The following MLXIP variants were observed in gnomAD, a reference collection of about 807,000 sequenced individuals.
MLXIP encodes the protein MLX interacting protein.
A neutral mutation model predicts 87.2 loss-of-function variants in MLXIP; 30 were observed. The observed-to-expected ratio is 0.34, with a 90% CI of 0.26 to 0.47. The LOEUF is 0.47. Ranked by LOEUF, MLXIP falls within the 20% of genes least tolerant of loss-of-function variation. MLXIP has a pLI of 1.00. For missense variants in MLXIP, 1,002 were observed against 1,240.1 expected, an observed-to-expected ratio of 0.81 and a Z score of 2.88; for synonymous variants, 530 against 514.0, an observed-to-expected ratio of 1.03 and a Z score of -0.42.
chr12:122,135,638 C>A lies in MLXIP; in HGVS notation c.2004C>A (p.Gly668=). Residue 668 remains glycine, a synonymous_variant, in exon 11 of 17, where the codon GGC becomes GGA. Transcript: ENST00000319080. This position sits in a 1 kb window ranked among gnomAD's most constrained non-coding sequence, Gnocchi z 5.3. The part of the protein sequence containing the change: ...GKGEQVPLHG[G]SPQVTVTGPS... The stretch of plus-strand genomic sequence containing the variant: ...GCGAGCAGGTCCCGCTGCATGGGGG[C>A]AGCCCCCAGGTCACTGTCACAGGGC... 2 of 1,540,150 alleles carry A rather than the reference C, an allele frequency of 1.3e-6. No individual in the cohort carries two copies. Among genetic ancestry groups the A allele is most frequent in the Non-Finnish European group, 1.7e-6 (2 of 1,144,532 alleles).
At chr12:122,104,966 G>A (rs2135932774) in intron 1 of MLXIP, among the ~76,000 whole-genome samples, 1 of 152,228 alleles carries the variant, frequency 6.6e-6, no homozygotes, top group Non-Finnish European at 1.5e-5. Flanking sequence ...CTTGAAGTCC[G>A]TCCCACAGTC....
chr12:122,105,105 G>A (rs945917634), intron 1 of MLXIP, among the ~76,000 whole-genome samples: 1 of 152,144 alleles, frequency 6.6e-6, no homozygotes, highest in Non-Finnish European at 1.5e-5. Context: ...CCTCATGGGC[G>A]ATCACATCAA....
intron 1 of MLXIP, among the ~76,000 whole-genome samples, chr12:122,109,000 T>C (rs1012304357): frequency 2.0e-5 from 3 of 152,242 alleles, no homozygotes; most frequent in Non-Finnish European, 4.4e-5. Context: ...TGGCACAATC[T>C]CAGCTCACTG....
chr12:122,137,417 G>A lies in MLXIP; in HGVS notation c.2033-52G>A. On this transcript the variant is annotated intron_variant, in intron 11 of 16. Coordinates refer to ENST00000319080, the MANE Select transcript of MLXIP (RefSeq NM_014938.6). This position sits in a 1 kb window ranked among gnomAD's most constrained non-coding sequence, Gnocchi z 4.1. ...TGCAGAGACCCCAGGCTGCCTCCTG[G>A]TGGCGTTGAGGGGCCAGGCCTCCGC... 1 of 1,578,880 alleles carries A rather than the reference G, an allele frequency of 6.3e-7. No homozygotes were observed. Among genetic ancestry groups the A allele is most frequent in the Non-Finnish European group, 8.6e-7 (1 of 1,162,674 alleles).
chr12:122,104,359 G>A (rs753112994), intron 1 of MLXIP, among the ~76,000 whole-genome samples: 17 of 152,044 alleles, frequency 1.1e-4, no homozygotes, highest in South Asian at 1.0e-3. Flanking sequence ...TAGTCTTTCC[G>A]TGTGTTTTGT....
intron 1 of MLXIP, among the ~76,000 whole-genome samples, chr12:122,097,850 C>CG (rs1476871265): frequency 1.3e-5 from 2 of 151,838 alleles, no homozygotes; most frequent in Non-Finnish European, 2.9e-5. Context: ...ATGGGTTCCC[C>CG]CTCCCCACAA....
chr12:122,115,497 A>C (rs1057353274), intron 1 of MLXIP, among the ~76,000 whole-genome samples: 1 of 150,538 alleles, frequency 6.6e-6, no homozygotes, highest in Non-Finnish European at 1.5e-5. Context: ...GCTGAGGAGG[A>C]GAACTGCTTG....
At chr12:122,124,141 C>T (rs1423861319) in intron 1 of MLXIP, among the ~76,000 whole-genome samples, 1 of 151,128 alleles carries the variant, frequency 6.6e-6, no homozygotes, top group East Asian at 2.0e-4. Flanking sequence ...AGGGGAACCT[C>T]CCCGCCTCAG....
chr12:122,121,009 G>GTTTTTTTTTTTTTTTTTT (rs776332981), intron 1 of MLXIP, among the ~76,000 whole-genome samples: 40 of 102,166 alleles, frequency 3.9e-4, no homozygotes, highest in African/African-American at 1.0e-3. Context: ...CTGCATGCTT[G>GTTTTTTTTTTTTTTTTTT]GTTTTTTTTT....
intron 15 of MLXIP, among the ~76,000 whole-genome samples, chr12:122,139,585 G>A (rs919687175): frequency 1.3e-5 from 2 of 152,226 alleles, no homozygotes; most frequent in Non-Finnish European, 2.9e-5. Context: ...GGTGACGGTC[G>A]TGCAGGAGGA....
chr12:122,105,668 A>G (rs1189604918), intron 1 of MLXIP, among the ~76,000 whole-genome samples: 1 of 151,768 alleles, frequency 6.6e-6, no homozygotes, highest in Non-Finnish European at 1.5e-5. Context: ...CAAAACACCC[A>G]TGGTACAAAA....
intron 1 of MLXIP, among the ~76,000 whole-genome samples, chr12:122,117,581 C>T (rs1222959293): frequency 1.3e-5 from 2 of 152,246 alleles, no homozygotes; most frequent in Admixed American, 1.3e-4. Flanking sequence ...ACAGAATTGA[C>T]TGATATATCT....
chr12:122,080,123 C>T lies in MLXIP; in HGVS notation c.413+857C>T, dbSNP rs377321107. 2.7e-4 allele frequency among the ~76,000 whole-genome samples: 41 copies of T among 152,266 alleles called. 1 individual carries two copies. The South Asian group carries it at 7.7e-3, about 28-fold the overall frequency. On this transcript the variant is annotated intron_variant, in intron 1 of 16. Transcript: ENST00000319080. ...CCTCAAAGATTAAAGCGCTTTTTCA[C>T]TCTCTCTCCCTTTCCCACTATGAAT...
intron 15 of MLXIP, among the ~76,000 whole-genome samples, chr12:122,139,331 G>A (rs561824443): frequency 5.3e-4 from 80 of 152,286 alleles, no homozygotes; most frequent in African/African-American, 1.9e-3. Flanking sequence ...TGTGACAGGC[G>A]GAAACCAGGA....
chr12:122,124,223 C>A (rs1460335168), intron 1 of MLXIP, among the ~76,000 whole-genome samples: 1 of 25,136 alleles, frequency 4.0e-5, no homozygotes, highest in Non-Finnish European at 7.3e-5. Context: ...CTCAGCCGTC[C>A]CCCCACCCTC....
intron 8 of MLXIP, 132 bp downstream of exon 8, chr12:122,132,515 C>T: frequency 1.4e-6 from 1 of 701,780 alleles, no homozygotes; most frequent in Non-Finnish European, 2.4e-6. Context: ...AGTGCTAGAC[C>T]AGCACTAATG....
rs1471952556 is a variant in MLXIP, at chr12:122,095,033, T to G, written c.413+15767T>G. ...GTGTGGTGTTGGTGTGTTGTGTGTG[T>G]GGGGTGTGTGGGAATGTGTGTGGTG... is the stretch of plus-strand genomic sequence containing the variant. On this transcript the variant is annotated intron_variant, in intron 1 of 16. Coordinates refer to ENST00000319080, the MANE Select transcript of MLXIP (RefSeq NM_014938.6). Among the ~76,000 whole-genome samples the G allele has an allele frequency of 9.1e-5, 13 of 143,480 alleles. No individual in the cohort carries two copies. The East Asian group carries it at 1.3e-3, about 14-fold the overall frequency. 94.1% of individuals were successfully genotyped at this position (143,480 alleles called of 152,430 possible). A position where few individuals can be genotyped will look rare whatever the true frequency, so the allele number is the denominator to read the frequency against.
chr12:122,097,126 G>C (rs904416778), intron 1 of MLXIP, among the ~76,000 whole-genome samples: 12 of 152,272 alleles, frequency 7.9e-5, no homozygotes, highest in African/African-American at 2.9e-4. Context: ...AAGAGTGCTC[G>C]GCAGAGGAGC....
At chr12:122,101,628 T>C (rs1952439898) in intron 1 of MLXIP, among the ~76,000 whole-genome samples, 1 of 146,198 alleles carries the variant, frequency 6.8e-6, no homozygotes, top group Admixed American at 6.9e-5. Flanking sequence ...TCGCCCAGGC[T>C]GGAGTGCAGT....
Sources: gnomAD v4.1 joint callset for allele counts (sites outside exome capture counted in the v4.1 genomes callset) on GRCh38, gnomAD v4.1.1 for gene constraint, Gnocchi (gnomAD v3.1) non-coding constraint, MANE v1.5 for transcripts, NCBI Gene and HGNC (gene_info 2026-07-23, HGNC 2026-07-21) for gene names.